GALNT14: variants seen among roughly 807,000 people sequenced by gnomAD.
GALNT14 encodes UDP-GalNAc:polypeptide N-acetylgalactosaminyltransferase 14.
In GALNT14, 60 loss-of-function variants were observed where a neutral mutation model predicts 77.5. That is an observed-to-expected ratio of 0.77 (90% CI 0.63 to 0.96). GALNT14 has a LOEUF of 0.96. Among genes scored for constraint, GALNT14 ranks in the 40% least tolerant of loss-of-function variants. The pLI, the probability that GALNT14 is intolerant of heterozygous loss-of-function variation, is 0.00. For missense variants in GALNT14, 710 were observed against 731.0 expected (o/e 0.97, Z 0.33); for synonymous variants, 280 against 281.7 (o/e 0.99, Z 0.06).
At chr2:30,931,984 G>A in intron 10 of GALNT14, 84 bp downstream of exon 10, 2 of 1,349,730 alleles carry the variant, frequency 1.5e-6, no homozygotes, top group East Asian at 5.7e-5. Flanking sequence ...AGAGCACCAG[G>A]GACGGCTGCA....
intron 1 of GALNT14, chr2:31,073,234 A>C (rs918651111): frequency 6.6e-6 from 1 of 152,202 alleles, no homozygotes; most frequent in Non-Finnish European, 1.5e-5. Context: ...AGGTTTAGAT[A>C]ATAGAAATAA....
intron 11 of GALNT14, among the ~76,000 whole-genome samples, chr2:30,928,777 C>T (rs562853575): frequency 6.6e-6 from 1 of 152,104 alleles, no homozygotes; most frequent in East Asian, 1.9e-4. Context: ...CCACCATGCC[C>T]AGCTAATTTT....
the GALNT14 span, among the ~76,000 whole-genome samples, chr2:30,904,582 T>C: frequency 1.3e-5 from 2 of 152,358 alleles, no homozygotes; most frequent in East Asian, 3.9e-4. Context: ...TCTCGCTGAC[T>C]GCTAGCACAG....
At chr2:31,005,044 A>G (rs1345083238) in intron 1 of GALNT14, among the ~76,000 whole-genome samples, 1 of 152,228 alleles carries the variant, frequency 6.6e-6, no homozygotes, top group Non-Finnish European at 1.5e-5. Context: ...AAACATGCCC[A>G]TGGGCTGACA....
intron 1 of GALNT14, among the ~76,000 whole-genome samples, chr2:31,089,983 G>A (rs572027798): frequency 3.3e-5 from 5 of 152,298 alleles, no homozygotes; most frequent in African/African-American, 1.2e-4. Flanking sequence ...TACATGCAGA[G>A]GAAACAGAGC....
chr2:30,935,657 T>C (rs1481732874), intron 9 of GALNT14, among the ~76,000 whole-genome samples: 1 of 152,136 alleles, frequency 6.6e-6, no homozygotes, highest in East Asian at 1.9e-4. Flanking sequence ...GATGACAGTG[T>C]GGGTTATTTA....
intron 13 of GALNT14, among the ~76,000 whole-genome samples, chr2:30,923,791 C>G (rs749230240): frequency 1.8e-4 from 28 of 152,190 alleles, no homozygotes; most frequent in Non-Finnish European, 3.4e-4. Flanking sequence ...TGCCATTGGC[C>G]TTGCCTGACC....
Position 30,992,933 on chromosome 2 carries a change from G to C in GALNT14, c.204C>G (p.Arg68=). 3 of 1,614,106 alleles carry C rather than the reference G, an allele frequency of 1.9e-6. No homozygotes were observed. Among genetic ancestry groups the C allele is most frequent in the Non-Finnish European group, 2.5e-6 (3 of 1,180,010 alleles). Residue 68 remains arginine, a synonymous_variant, in exon 2 of 15, where the codon CGC becomes CGG. Transcript: ENST00000349752. The stretch of plus-strand genomic sequence containing the variant: ...ACAGCTTATAGGGGTCGTCACCAAC[G>C]CGCCACTTTTTGGCATTCAGATACC... ...ERRYLNAKKW[R]VGDDPYKLYA...
chr2:30,897,442 G>C, the GALNT14 span, among the ~76,000 whole-genome samples: 2 of 152,208 alleles, frequency 1.3e-5, no homozygotes, highest in South Asian at 4.1e-4. Context: ...CAGGTGCCAG[G>C]CTGAAGAGAG....
chr2:30,902,546 G>T, the GALNT14 span, among the ~76,000 whole-genome samples: 2 of 151,924 alleles, frequency 1.3e-5, no homozygotes, highest in Non-Finnish European at 2.9e-5. Flanking sequence ...CTGAGATGAG[G>T]TGTGTTTGTC....
intron 2 of GALNT14, among the ~76,000 whole-genome samples, chr2:30,973,087 A>T (rs866848073): frequency 6.6e-6 from 1 of 152,280 alleles, no homozygotes; most frequent in African/African-American, 2.4e-5. Flanking sequence ...GGTCATTTTC[A>T]TCATGTTCCA....
chr2:31,010,477 G>T (rs538473155), intron 1 of GALNT14, among the ~76,000 whole-genome samples: 18 of 152,234 alleles, frequency 1.2e-4, no homozygotes, highest in East Asian at 7.7e-4. Context: ...TAGCCGGGCG[G>T]GGTGGTGAGC....
At chr2:31,068,105 T>C (rs534566906) in intron 1 of GALNT14, among the ~76,000 whole-genome samples, 97 of 152,244 alleles carry the variant, frequency 6.4e-4, no homozygotes, top group African/African-American at 1.8e-3. Flanking sequence ...CTCCCAAAAC[T>C]GGAAACTCTG....
At chr2:31,065,533 T>C (rs1674891771) in intron 1 of GALNT14, 2 of 152,470 alleles carry the variant, frequency 1.3e-5, no homozygotes, top group South Asian at 4.1e-4. Flanking sequence ...CATGAGCAGA[T>C]GGCATCATGC....
At chr2:31,016,950 C>A (rs1671405310) in intron 1 of GALNT14, among the ~76,000 whole-genome samples, 1 of 152,192 alleles carries the variant, frequency 6.6e-6, no homozygotes. Flanking sequence ...TCACAACATA[C>A]CACGCTCTGT....
chr2:30,892,385 A>G, the GALNT14 span, among the ~76,000 whole-genome samples: 1 of 152,236 alleles, frequency 6.6e-6, no homozygotes, highest in African/African-American at 2.4e-5. Context: ...AGAGATGTTT[A>G]AAAGCTTCCA....
chr2:31,006,686 T>C (rs978845197), intron 1 of GALNT14, among the ~76,000 whole-genome samples: 1 of 152,158 alleles, frequency 6.6e-6, no homozygotes, highest in Non-Finnish European at 1.5e-5. Flanking sequence ...GAAGCACAGT[T>C]GTACATTTTC....
intron 13 of GALNT14, among the ~76,000 whole-genome samples, chr2:30,920,409 T>G (rs1334742615): frequency 1.3e-5 from 2 of 152,192 alleles, no homozygotes; most frequent in Admixed American, 1.3e-4. Context: ...GAGGGGCAGA[T>G]GTGACTCCCT....
At chr2:30,998,494 G>A (rs1670170286) in intron 1 of GALNT14, among the ~76,000 whole-genome samples, 2 of 152,146 alleles carry the variant, frequency 1.3e-5, no homozygotes. Context: ...CTGAAAATGA[G>A]AAACTCTTTA....
Sources: allele counts gnomAD v4.1 joint callset (sites outside exome capture counted in the v4.1 genomes callset), GRCh38; gene constraint gnomAD v4.1.1; transcripts MANE v1.5; gene names NCBI Gene and HGNC (gene_info 2026-07-23, HGNC 2026-07-21).